The following ERLEC1 variants were observed in gnomAD, a reference collection of about 807,000 sequenced individuals.
ERLEC1 encodes the protein ER lectin.
A neutral mutation model predicts 68.0 loss-of-function variants in ERLEC1; 47 were observed. The observed-to-expected ratio is 0.69, with a 90% CI of 0.55 to 0.88. ERLEC1 has a LOEUF of 0.88. Ranked by LOEUF, ERLEC1 falls within the 40% of genes least tolerant of loss-of-function variation. The pLI is 0.00. For missense variants in ERLEC1, 567 were observed against 583.8 expected, an observed-to-expected ratio of 0.97 and a Z score of 0.30; for synonymous variants, 225 against 203.2, an observed-to-expected ratio of 1.11 and a Z score of -0.91.
chr2:53,816,592 T>C (rs1159317728), intron 13 of ERLEC1, among the ~76,000 whole-genome samples: 1 of 152,136 alleles, frequency 6.6e-6, no homozygotes, highest in Non-Finnish European at 1.5e-5. Context: ...TAATGTCTTT[T>C]GGTGAATGAA....
At chr2:53,789,215 GA>G (rs1489352741) in intron 1 of ERLEC1, among the ~76,000 whole-genome samples, 4 of 151,922 alleles carry the variant, frequency 2.6e-5, no homozygotes, top group Non-Finnish European at 4.4e-5. Context: ...CCAACGTGGT[GA>G]AACCCCATCT....
rs140415318 is a variant in ERLEC1 at position 53,801,607 on chromosome 2, C to G, written c.736C>G (p.His246Asp). ...VVILTPLLCS[H>D]PKYRFRASPV... ...CATTTTGACACCACTCTTGTGCAGTCATCCTAAATATAGGTAGGATGTGCA... is the reference window on the plus strand; with the variant it reads ...CATTTTGACACCACTCTTGTGCAGTGATCCTAAATATAGGTAGGATGTGCA... Residue 246 changes from histidine (H) to aspartate (D), a missense_variant, in exon 7 of 14, where the codon CAT (histidine) becomes GAT (aspartate). By Grantham distance (81) the His-to-Asp change is moderately conservative. Coordinates refer to ENST00000185150, the MANE Select transcript of ERLEC1 (RefSeq NM_015701.5). 7.8e-5 allele frequency: 126 copies of G among 1,613,730 alleles called. No homozygotes were observed. Among genetic ancestry groups the G allele is most frequent in the Non-Finnish European group, 9.9e-5 (117 of 1,179,836 alleles).
chr2:53,804,885 G>A (rs539159752), intron 8 of ERLEC1, among the ~76,000 whole-genome samples: 4 of 151,134 alleles, frequency 2.6e-5, no homozygotes, highest in South Asian at 2.1e-4. Context: ...TTTAGATCCC[G>A]TAAATAAGTG....
chr2:53,797,213 T>C (rs1428838115), intron 3 of ERLEC1, among the ~76,000 whole-genome samples: 6 of 152,248 alleles, frequency 3.9e-5, no homozygotes, highest in Non-Finnish European at 5.9e-5. Flanking sequence ...AATAGAATTT[T>C]AATTTAAATT....
chr2:53,797,115 G>T (rs958080722), intron 3 of ERLEC1, among the ~76,000 whole-genome samples: 1 of 152,018 alleles, frequency 6.6e-6, no homozygotes, highest in African/African-American at 2.4e-5. Context: ...AGCTGGTCTC[G>T]AACTCCTGGT....
intron 11 of ERLEC1, among the ~76,000 whole-genome samples, chr2:53,814,066 A>G (rs1446117522): frequency 6.6e-6 from 1 of 152,218 alleles, no homozygotes; most frequent in Non-Finnish European, 1.5e-5. Flanking sequence ...TTAGACTGGT[A>G]AAATGAAGCT....
At position 53,790,504 on chromosome 2, in the gene ERLEC1, A is replaced by C. The variant is rs3850346; in HGVS notation, c.162+3132A>C. Among the ~76,000 whole-genome samples the C allele has an allele frequency of 2.5e-3, 379 of 152,326 alleles. 6 individuals are homozygous for C. Among genetic ancestry groups the C allele is most frequent in the African/African-American group, 8.9e-3 (370 of 41,574 alleles). On this transcript the variant is annotated intron_variant, in intron 1 of 13. Coordinates refer to ENST00000185150, the MANE Select transcript of ERLEC1 (RefSeq NM_015701.5). ...GGAAGAGACTGGATTAGAAGATCTG[A>C]ATTTTTTAAGCTTTAAAATTGTCTG...
intron 13 of ERLEC1, among the ~76,000 whole-genome samples, chr2:53,816,925 A>T (rs540621201): frequency 2.2e-4 from 34 of 152,272 alleles, no homozygotes; most frequent in African/African-American, 7.9e-4. Flanking sequence ...CCAATAAGAC[A>T]TGTTAGTATA....
At chr2:53,804,166 G>A (rs1461264546) in intron 8 of ERLEC1, among the ~76,000 whole-genome samples, 1 of 152,062 alleles carries the variant, frequency 6.6e-6, no homozygotes, top group East Asian at 1.9e-4. Context: ...AAAATACTCA[G>A]CATTTTTTTT....
Position 53,808,366 on chromosome 2 carries a change from A to G in ERLEC1, c.947A>G (p.Gln316Arg), listed in dbSNP as rs1676410610. 6.2e-7 allele frequency: 1 copy of G among 1,614,106 alleles called. No homozygotes were observed. Among genetic ancestry groups the G allele is most frequent in the African/African-American group, 1.3e-5 (1 of 74,954 alleles). ...AIHKSIAIGSQPVLTVGTTHI... is the reference protein window; with the variant it reads ...AIHKSIAIGSRPVLTVGTTHI... ...CACAAGTCGATTGCTATTGGCTCTC[A>G]GCCAGTGCTCACTGTTGGGACAACC... Residue 316 changes from glutamine to arginine, a missense_variant, in exon 9 of 14, where the codon CAG (glutamine) becomes CGG (arginine). Transcript: ENST00000185150.
chr2:53,812,678 T>C (rs1481380607), intron 10 of ERLEC1, among the ~76,000 whole-genome samples: 1 of 152,158 alleles, frequency 6.6e-6, no homozygotes, highest in Non-Finnish European at 1.5e-5. Context: ...GGGACTTACC[T>C]GTAGAAGAGA....
chr2:53,815,943 T>C (rs1188507433), intron 13 of ERLEC1, among the ~76,000 whole-genome samples: 1 of 152,206 alleles, frequency 6.6e-6, no homozygotes, highest in Non-Finnish European at 1.5e-5. Flanking sequence ...CTCTTTGTAT[T>C]TGTATTGCAC....
At chr2:53,792,346 C>T (rs534988850) in intron 1 of ERLEC1, among the ~76,000 whole-genome samples, 1 of 152,024 alleles carries the variant, frequency 6.6e-6, no homozygotes, top group South Asian at 2.1e-4. Context: ...TATCCTTGGC[C>T]ATAATTCAAG....
chr2:53,812,821 C>A, intron 10 of ERLEC1, 128 bp from the exon 11 acceptor site: 2 of 889,870 alleles, frequency 2.2e-6, no homozygotes, highest in East Asian at 2.8e-5. Context: ...TGACTGACAT[C>A]ATTACACCTA....
chr2:53,803,007 C>T (rs1368373081), intron 8 of ERLEC1, among the ~76,000 whole-genome samples: 2 of 152,208 alleles, frequency 1.3e-5, no homozygotes, highest in Admixed American at 6.5e-5. Flanking sequence ...ATGTTACTTC[C>T]TTTGGAAATG....
intron 9 of ERLEC1, 71 bp downstream of exon 9, chr2:53,808,531 A>G: frequency 6.8e-7 from 1 of 1,461,056 alleles, no homozygotes; most frequent in Non-Finnish European, 9.3e-7. Flanking sequence ...AGTGGGCATC[A>G]GCAGCACTGA....
Position 53,813,044 on chromosome 2 carries a change from T to C in ERLEC1, c.1197T>C (p.His399=). The C allele has an allele frequency of 6.2e-7, 1 of 1,612,696 alleles. No homozygotes were observed. The highest frequency in any genetic ancestry group is 8.5e-7 in the Non-Finnish European group (1 of 1,179,768). The change falls in exon 11 of 14, where the codon CAT becomes CAC. Residue 399 remains histidine, a synonymous_variant. Coordinates refer to ENST00000185150, the MANE Select transcript of ERLEC1 (RefSeq NM_015701.5). ...AGAAGAATACTGCTAGAGCTTATCATCTTCAAGACGATGGTACCCAGACAG... is the reference window on the plus strand; with the variant it reads ...AGAAGAATACTGCTAGAGCTTATCACCTTCAAGACGATGGTACCCAGACAG... The part of the protein sequence containing the change: ...WAKKNTARAY[H]LQDDGTQTVR...
At chr2:53,802,530 A>T (rs1281654263) in intron 8 of ERLEC1, among the ~76,000 whole-genome samples, 1 of 152,150 alleles carries the variant, frequency 6.6e-6, no homozygotes, top group Non-Finnish European at 1.5e-5. Flanking sequence ...CTCTTAACAC[A>T]TCCCCTTTCT....
At chr2:53,801,121 GC>G (rs1457807629) in intron 6 of ERLEC1, among the ~76,000 whole-genome samples, 2 of 151,798 alleles carry the variant, frequency 1.3e-5, no homozygotes, top group Non-Finnish European at 2.9e-5. Context: ...TTATTTTGTA[GC>G]CCTTTATATA....
Sources: gnomAD v4.1 joint callset for allele counts (sites outside exome capture counted in the v4.1 genomes callset) on GRCh38, gnomAD v4.1.1 for gene constraint, MANE v1.5 for transcripts, NCBI Gene and HGNC (gene_info 2026-07-23, HGNC 2026-07-21) for gene names.